Variants in LLGL1 observed in about 807,000 individuals in gnomAD.
LLGL1 encodes lethal(2) giant larvae protein homolog 1.
Under a neutral mutation model 110.6 loss-of-function variants are expected in LLGL1, and 58 were observed. The ratio of observed to expected loss-of-function variants is 0.52; its 90% CI spans 0.42 to 0.65. The LOEUF is 0.65. Among genes scored for constraint, LLGL1 ranks in the 30% least tolerant of loss-of-function variants. The pLI, the probability that LLGL1 is intolerant of heterozygous loss-of-function variation, is 0.00. For missense variants in LLGL1, 1,229 were observed against 1,462.1 expected (o/e 0.84, Z 2.60); for synonymous variants, 674 against 607.2 (o/e 1.11, Z -1.62).
rs753852777 is a variant in LLGL1, at chr17:18,240,813, G to A, written c.2442G>A (p.Ala814=). The change falls in exon 17 of 23, where the codon GCG becomes GCA. Residue 814 remains alanine, a synonymous_variant. Transcript: ENST00000316843. This position sits in a 1 kb window ranked among gnomAD's most constrained non-coding sequence, Gnocchi z 5.3. The part of the protein sequence containing the change: ...PEPYEASRDL[A]QAPDMQGGHA... Reference sequence around the variant, plus strand: ...CCTACGAGGCCTCACGGGACCTGGCGCAGGCACCTGACATGCAGGGTGGTC... The same window carrying A: ...CCTACGAGGCCTCACGGGACCTGGCACAGGCACCTGACATGCAGGGTGGTC... 30 of 1,576,970 alleles carry A rather than the reference G, an allele frequency of 1.9e-5. No individual in the cohort carries two copies. In the Middle Eastern group the frequency reaches 7.2e-4, roughly 38 times the overall value.
At chr17:18,237,428 C>G in intron 13 of LLGL1, 53 bp from the exon 14 acceptor site, 1 of 1,470,836 alleles carries the variant, frequency 6.8e-7, no homozygotes, top group Non-Finnish European at 9.1e-7. Context: ...GAGTGGGGCC[C>G]AGGGCGGCCC....
intron 16 of LLGL1, among the ~76,000 whole-genome samples, chr17:18,239,484 G>GC (rs1567694449): frequency 6.6e-6 from 1 of 152,088 alleles, no homozygotes. Flanking sequence ...TGCGGATTCT[G>GC]CCCCCCTCCT....
chr17:18,238,130 C>G lies in LLGL1; in HGVS notation c.1968C>G (p.Leu656=). The change falls in exon 15 of 23, where the codon CTC becomes CTG. Residue 656 remains leucine (L), a synonymous_variant. Transcript: ENST00000316843. ...MEGPLSRVKS[L]KKSLRQSFRR... is the part of the protein sequence containing the mutation. ...GTCCGCTCTCCCGGGTGAAGTCTCT[C>G]AAGAAGTCACTGCGCCAGTCTTTCC... is the stretch of plus-strand genomic sequence containing the variant. The G allele has an allele frequency of 4.3e-6, 7 of 1,613,878 alleles. No individual in the cohort carries two copies. Among genetic ancestry groups the G allele is most frequent in the African/African-American group, 1.3e-5 (1 of 75,074 alleles).
chr17:18,227,629 T>C (rs1002094945), intron 1 of LLGL1, among the ~76,000 whole-genome samples: 2 of 152,188 alleles, frequency 1.3e-5, no homozygotes, highest in Non-Finnish European at 2.9e-5. Flanking sequence ...TCAAGCTATC[T>C]ATCCATCCAT....
At chr17:18,230,129 A>T in intron 2 of LLGL1, 91 bp downstream of exon 2, 3 of 996,530 alleles carry the variant, frequency 3.0e-6, no homozygotes, top group Non-Finnish European at 4.5e-6. Context: ...GGCAGTGTCC[A>T]GCTCGAGAGG....
chr17:18,243,275 T>A (rs1000638116), intron 22 of LLGL1, among the ~76,000 whole-genome samples: 8 of 152,108 alleles, frequency 5.3e-5, no homozygotes, highest in Non-Finnish European at 1.0e-4. Context: ...ACCCAGCTAA[T>A]TTTTTGTGTT....
chr17:18,226,685 G>A (rs1338736810), intron 1 of LLGL1, among the ~76,000 whole-genome samples: 2 of 152,258 alleles, frequency 1.3e-5, no homozygotes, highest in Admixed American at 6.5e-5. Flanking sequence ...TCTGCACCAA[G>A]GTGGAGTGAG....
intron 1 of LLGL1, among the ~76,000 whole-genome samples, chr17:18,227,863 A>G (rs1362011839): frequency 1.3e-5 from 2 of 152,100 alleles, no homozygotes; most frequent in Non-Finnish European, 2.9e-5. Flanking sequence ...TGGGGAAGGG[A>G]CTTAGTCACC....
intron 17 of LLGL1, 176 bp downstream of exon 17, chr17:18,241,049 C>T (rs911860136): frequency 5.9e-6 from 4 of 679,984 alleles, no homozygotes; most frequent in Non-Finnish European, 9.6e-6. Context: ...ACCCAAGAAC[C>T]CTGATGCCCC....
chr17:18,235,929 G>T (rs923941353), intron 11 of LLGL1: 1 of 238,234 alleles, frequency 4.2e-6, no homozygotes, highest in Non-Finnish European at 8.2e-6. Context: ...TCCCGCCTGT[G>T]CTGGGACCCT....
At position 18,241,876 on chromosome 17, in the gene LLGL1, C is replaced by T; in HGVS notation, c.2768-9C>T. 3 of 1,610,300 alleles carry T rather than the reference C, an allele frequency of 1.9e-6. No homozygotes were observed. The highest frequency in any genetic ancestry group is 2.5e-6 in the Non-Finnish European group (3 of 1,176,496). ...TCTAACTGCACTCCTCATTCTTCTG[C>T]CCACCCAGGCTTTTACCTGATATCC... On this transcript the variant is annotated splice_polypyrimidine_tract_variant and intron_variant, in intron 18 of 22. Transcript: ENST00000316843.
Position 18,241,991 on chromosome 17 carries a change from C to G in LLGL1, c.2874C>G (p.Thr958=). The part of the protein sequence containing the change: ...SLDINWPRDA[T]QASYRIRESP... ...ACATTAACTGGCCCCGCGATGCCACCCAGGCCAGGTGTGTGGAGGGGCAGC... is the reference window on the plus strand; with the variant it reads ...ACATTAACTGGCCCCGCGATGCCACGCAGGCCAGGTGTGTGGAGGGGCAGC... Residue 958 remains threonine (T), a synonymous_variant, in exon 19 of 23, where the codon ACC becomes ACG. Coordinates refer to ENST00000316843, the MANE Select transcript of LLGL1 (RefSeq NM_004140.4). The G allele has an allele frequency of 6.2e-7, 1 of 1,613,258 alleles. No individual in the cohort carries two copies. The highest frequency in any genetic ancestry group is 1.1e-5 in the South Asian group (1 of 91,062).
At chr17:18,238,883 C>T (rs989242533) in intron 16 of LLGL1, among the ~76,000 whole-genome samples, 25 of 152,200 alleles carry the variant, frequency 1.6e-4, no homozygotes, top group Admixed American at 8.5e-4. Flanking sequence ...TGGTGGCGGG[C>T]GCCTGTAATC....
intron 13 of LLGL1, chr17:18,237,173 T>C (rs2142652674): frequency 1.7e-6 from 1 of 598,146 alleles, no homozygotes; most frequent in South Asian, 2.0e-5. Context: ...GGCACTCACA[T>C]GACATACAGG....
Position 18,236,696 on chromosome 17 carries a change from C to G in LLGL1, c.1442C>G (p.Thr481Arg). 1 of 1,612,778 alleles carries G rather than the reference C, an allele frequency of 6.2e-7. No homozygotes were observed. Among genetic ancestry groups the G allele is most frequent in the Non-Finnish European group, 8.5e-7 (1 of 1,180,000 alleles). The change falls in exon 12 of 23, where the codon ACA becomes AGA. Residue 481 changes from threonine (T) to arginine (R), a missense_variant. Transcript: ENST00000316843. Reference protein sequence around the residue: ...YKLSTAGLFQTDCEHADSLAQ... With the variant: ...YKLSTAGLFQRDCEHADSLAQ... The stretch of plus-strand genomic sequence containing the variant: ...CTGAGCACAGCTGGCCTCTTCCAGA[C>G]AGACTGTGAGCACGCTGACAGCCTG...
At chr17:18,234,616 G>A (rs752876672) in intron 7 of LLGL1, 33 bp from the exon 8 acceptor site, 2 of 1,613,552 alleles carry the variant, frequency 1.2e-6, no homozygotes, top group South Asian at 1.1e-5. Flanking sequence ...AGAACCACCA[G>A]TGAGTCTGGT....
In LLGL1 at chr17:18,241,512, G is replaced by A. The variant is rs773392427; in HGVS notation, c.2564G>A (p.Cys855Tyr). The A allele has an allele frequency of 2.9e-5, 46 of 1,613,742 alleles. No individual in the cohort carries two copies. Among genetic ancestry groups the A allele is most frequent in the Non-Finnish European group, 3.6e-5 (42 of 1,180,012 alleles). ...TTCAAGCTGACGGCCCATGAGGGCT[G>A]TCGTGTGCGCAAGGTGGCACTGGCC... ...TKFKLTAHEG[C>Y]RVRKVALATF... is the part of the protein sequence containing the mutation. The change falls in exon 18 of 23, where the codon TGT becomes TAT. Residue 855 changes from cysteine to tyrosine, a missense_variant. Transcript: ENST00000316843.
In LLGL1 at chr17:18,241,613, G is replaced by A. The variant is rs746158258; in HGVS notation, c.2665G>A (p.Val889Ile). ...CCTCACCAACCTGGGTGACGTCCAC[G>A]TCTTCTCGGTGCCTGGCCTGCGGCC... ...ACLTNLGDVH[V>I]FSVPGLRPQV... Residue 889 changes from valine (V) to isoleucine (I), a missense_variant, in exon 18 of 23, where the codon GTC becomes ATC. Coordinates refer to ENST00000316843, the MANE Select transcript of LLGL1 (RefSeq NM_004140.4). The A allele has an allele frequency of 1.2e-5, 20 of 1,613,562 alleles. No individual in the cohort carries two copies. The highest frequency in any genetic ancestry group is 8.9e-5 in the East Asian group (4 of 44,894).
intron 11 of LLGL1, 75 bp downstream of exon 11, chr17:18,235,612 C>A: frequency 6.9e-7 from 1 of 1,455,254 alleles, no homozygotes; most frequent in Non-Finnish European, 9.4e-7. Flanking sequence ...CTGGTGGGTG[C>A]AGAGGTGCCA....
Sources: gnomAD v4.1 joint callset for allele counts (sites outside exome capture counted in the v4.1 genomes callset) on GRCh38, gnomAD v4.1.1 for gene constraint, Gnocchi (gnomAD v3.1) non-coding constraint, MANE v1.5 for transcripts, NCBI Gene and HGNC (gene_info 2026-07-23, HGNC 2026-07-21) for gene names.